Variants in PRAG1 observed in about 807,000 individuals in gnomAD.
The protein encoded by PRAG1 is PEAK1 related, kinase-activating pseudokinase 1.
PRAG1 carries 110 observed loss-of-function variants against 95.6 expected under a neutral mutation model. That is an observed-to-expected ratio of 1.15 (90% CI 0.99 to 1.35). The LOEUF (loss-of-function observed/expected upper bound fraction) is 1.35. Ranked by LOEUF, PRAG1 falls within the 40% of genes most tolerant of loss-of-function variation. The pLI, the probability that PRAG1 is intolerant of heterozygous loss-of-function variation, is 0.00. For synonymous variants in PRAG1, 1,052 were observed against 819.4 expected, an observed-to-expected ratio of 1.28 and a Z score of -4.85; for missense variants, 2,554 against 1,864.7, an observed-to-expected ratio of 1.37 and a Z score of -6.81.
chr8:8,377,005 G>T lies in PRAG1; in HGVS notation c.1404C>A (p.Pro468=), dbSNP rs201814095. Residue 468 remains proline (P), a synonymous_variant, in exon 3 of 6, where the codon CCC becomes CCA. Coordinates refer to ENST00000615670, the MANE Select transcript of PRAG1 (RefSeq NM_001080826.3). ...TGACTGTGATGGTGGCTGACACCTG[G>T]GGAGTTGGGTCTGGGCTGTCCCGGC... ...GWGRDSPDPT[P]QVSATITVMA... The T allele has an allele frequency of 7.4e-6, 12 of 1,613,866 alleles. No homozygotes were observed. In the Admixed American group the frequency reaches 1.8e-4, roughly 25 times the overall value.
At position 8,377,078 on chromosome 8, in the gene PRAG1, T is replaced by C. The variant is rs781583673; in HGVS notation, c.1331A>G (p.Gln444Arg). The change falls in exon 3 of 6, where the codon CAG becomes CGG. Residue 444 changes from glutamine (Q) to arginine (R), a missense_variant. By Grantham distance (43) the Gln-to-Arg change is conservative. Transcript: ENST00000615670. Reference protein sequence around the residue: ...EHAAAAQGQGQVCTGNAWAQK... With the variant: ...EHAAAAQGQGRVCTGNAWAQK... ...GGCCCAGGCATTACCTGTGCATACC[T>C]GGCCTTGGCCCTGGGCAGCAGCTGC... The C allele has an allele frequency of 2.7e-5, 44 of 1,613,816 alleles. No individual in the cohort carries two copies. The highest frequency in any genetic ancestry group is 3.4e-5 in the Non-Finnish European group (40 of 1,180,032).
rs530290267 is a variant in PRAG1 at position 8,334,951 on chromosome 8, G to A, written c.2320+4527C>T. On this transcript the variant is annotated intron_variant, in intron 4 of 5. Coordinates refer to ENST00000615670, the MANE Select transcript of PRAG1 (RefSeq NM_001080826.3). ...AGAAAAATTAGCCAGGCGTGGTGGC[G>A]CGCATGCAGTCCTAGCTGCTGAGGC... 3.3e-5 allele frequency among the ~76,000 whole-genome samples: 5 copies of A among 151,806 alleles called. No homozygotes were observed. The South Asian group carries it at 8.3e-4, about 25-fold the overall frequency.
At chr8:8,329,844 A>G (rs946304215) in intron 4 of PRAG1, among the ~76,000 whole-genome samples, 3 of 152,340 alleles carry the variant, frequency 2.0e-5, no homozygotes, top group Admixed American at 6.5e-5. Context: ...ATGGATGGCC[A>G]TGGGCTGACA....
In PRAG1 at chr8:8,329,519, C is replaced by G. The variant is rs544255696; in HGVS notation, c.2321-1058G>C. Among the ~76,000 whole-genome samples the G allele has an allele frequency of 3.3e-5, 5 of 152,158 alleles. No homozygotes were observed. The South Asian group carries it at 1.0e-3, about 32-fold the overall frequency. On this transcript the variant is annotated intron_variant, in intron 4 of 5. Coordinates refer to ENST00000615670, the MANE Select transcript of PRAG1 (RefSeq NM_001080826.3). ...GGAGTGTCTCTATGCCTTTCCACAC[C>G]TTGGCAGTAGGACCAGAAAACAACA...
At position 8,328,335 on chromosome 8, in the gene PRAG1, G is replaced by C; in HGVS notation, c.2447C>G (p.Pro816Arg). ...TGCCCGGCTCACTATCTTTTTCTGG[G>C]GGAGTGGAGGGGGCTGCTGGGGGCC... ...PSGPQQPPPL[P>R]QKKIVSRAAS... Residue 816 changes from proline (P) to arginine (R), a missense_variant, in exon 5 of 6, where the codon CCC becomes CGC. Coordinates refer to ENST00000615670, the MANE Select transcript of PRAG1 (RefSeq NM_001080826.3). The C allele has an allele frequency of 6.2e-7, 1 of 1,613,718 alleles. No homozygotes were observed. The highest frequency in any genetic ancestry group is 8.5e-7 in the Non-Finnish European group (1 of 1,179,884).
intron 1 of PRAG1, among the ~76,000 whole-genome samples, chr8:8,382,467 T>G (rs1800712878): frequency 6.6e-6 from 1 of 152,158 alleles, no homozygotes; most frequent in African/African-American, 2.4e-5. Flanking sequence ...AAATATCCCT[T>G]GCTTAATATA....
At chr8:8,361,571 AG>A (rs1156619678) in intron 3 of PRAG1, among the ~76,000 whole-genome samples, 1 of 152,218 alleles carries the variant, frequency 6.6e-6, no homozygotes, top group Non-Finnish European at 1.5e-5. Context: ...AGGGTAAAGA[AG>A]AACAGGCCCT....
Position 8,327,790 on chromosome 8 carries a change from T to C in PRAG1, c.2992A>G (p.Lys998Glu). Reference protein sequence around the residue: ...NWSLFKLTCNKPCCDSGDAIY... With the variant: ...NWSLFKLTCNEPCCDSGDAIY... ...GCATCCCCCGAGTCACAGCAGGGCTTGTTACAAGTCAGCTTGAAGAGCGAC... is the reference window on the plus strand; with the variant it reads ...GCATCCCCCGAGTCACAGCAGGGCTCGTTACAAGTCAGCTTGAAGAGCGAC... The change falls in exon 5 of 6, where the codon AAG becomes GAG. Residue 998 changes from lysine to glutamate, a missense_variant. Lys to Glu is a moderately conservative substitution (Grantham distance 56, BLOSUM62 1). Coordinates refer to ENST00000615670, the MANE Select transcript of PRAG1 (RefSeq NM_001080826.3). 6.2e-7 allele frequency: 1 copy of C among 1,614,146 alleles called. No homozygotes were observed. Among genetic ancestry groups the C allele is most frequent in the South Asian group, 1.1e-5 (1 of 91,074 alleles).
intron 3 of PRAG1, among the ~76,000 whole-genome samples, chr8:8,360,653 T>A (rs1799815662): frequency 6.6e-6 from 1 of 152,266 alleles, no homozygotes; most frequent in South Asian, 2.1e-4. Flanking sequence ...AGTAACAAAG[T>A]GCAGTTTTAA....
intron 3 of PRAG1, among the ~76,000 whole-genome samples, chr8:8,369,732 T>C (rs1038870214): frequency 8.6e-5 from 13 of 150,504 alleles, no homozygotes; most frequent in Non-Finnish European, 1.6e-4. Context: ...CTTGTACTAA[T>C]CCTGATCTTG....
chr8:8,340,119 G>C (rs979759613), intron 3 of PRAG1, among the ~76,000 whole-genome samples: 1 of 152,176 alleles, frequency 6.6e-6, no homozygotes, highest in African/African-American at 2.4e-5. Flanking sequence ...TTTTGCCAAA[G>C]CTTCAAAGGG....
chr8:8,374,682 TAC>T, intron 3 of PRAG1: 1 of 985,394 alleles, frequency 1.0e-6, no homozygotes, highest in Non-Finnish European at 1.2e-6. Flanking sequence ...ATTCGGGGAC[TAC>T]ACGCGGCTGC....
chr8:8,336,965 C>T (rs570115455), intron 4 of PRAG1, among the ~76,000 whole-genome samples: 4 of 141,934 alleles, frequency 2.8e-5, no homozygotes, highest in African/African-American at 1.0e-4. Context: ...GCCATTAACG[C>T]TGATACATTT....
rs758077308 is a variant in PRAG1, at chr8:8,328,343, AG to A, written c.2438del (p.Pro813LeufsTer8). 1 of 1,599,526 alleles carries A rather than the reference AG, an allele frequency of 6.3e-7. No individual in the cohort carries two copies. The highest frequency in any genetic ancestry group is 8.5e-7 in the Non-Finnish European group (1 of 1,171,222). Reference protein sequence around the residue: ...DVSPSGPQQPPPLPQKKIVSR... With the variant: ...DVSPSGPQQPXPLPQKKIVSR... ...TCACTATCTTTTTCTGGGGGAGTGG[AG>A]GGGGCTGCTGGGGGCCACTGGGGGA... On this transcript the variant is annotated frameshift_variant, in exon 5 of 6. Coordinates refer to ENST00000615670, the MANE Select transcript of PRAG1 (RefSeq NM_001080826.3). LOFTEE classifies it high-confidence loss of function.
At chr8:8,331,601 C>T (rs1355879807) in intron 4 of PRAG1, among the ~76,000 whole-genome samples, 1 of 152,194 alleles carries the variant, frequency 6.6e-6, no homozygotes, top group East Asian at 1.9e-4. Context: ...ACACAAATTA[C>T]CACTGGTACA....
At chr8:8,371,446 G>C (rs1198254720) in intron 3 of PRAG1, among the ~76,000 whole-genome samples, 3 of 151,880 alleles carry the variant, frequency 2.0e-5, no homozygotes, top group Non-Finnish European at 4.4e-5. Context: ...ATTTTTAGTA[G>C]AGAGGGGTTT....
chr8:8,378,126 G>A (rs1234709651), intron 2 of PRAG1, 48 bp from the exon 3 acceptor site: 1 of 1,499,992 alleles, frequency 6.7e-7, no homozygotes, highest in Non-Finnish European at 8.8e-7. Flanking sequence ...ACTTGTCATA[G>A]AAAAAAGAGA....
chr8:8,371,623 A>C (rs1166060248), intron 3 of PRAG1, among the ~76,000 whole-genome samples: 1 of 152,090 alleles, frequency 6.6e-6, no homozygotes, highest in Non-Finnish European at 1.5e-5. Context: ...CAATCCCAAC[A>C]CTTTGGGAGG....
At chr8:8,380,388 C>G (rs1800593114) in intron 2 of PRAG1, among the ~76,000 whole-genome samples, 1 of 150,760 alleles carries the variant, frequency 6.6e-6, no homozygotes, top group Non-Finnish European at 1.5e-5. Flanking sequence ...CACTTGAGGT[C>G]AGGAGTTAGA....
Sources: gnomAD v4.1 joint callset for allele counts (sites outside exome capture counted in the v4.1 genomes callset) on GRCh38, gnomAD v4.1.1 for gene constraint, MANE v1.5 for transcripts, NCBI Gene and HGNC (gene_info 2026-07-23, HGNC 2026-07-21) for gene names.